PHACTR1: variants seen among roughly 807,000 people sequenced by gnomAD.
PHACTR1 encodes phosphatase and actin regulator 1, also known as RPEL repeat containing 1.
A neutral mutation model predicts 69.2 loss-of-function variants in PHACTR1; 16 were observed. That is an observed-to-expected ratio of 0.23 (90% CI 0.16 to 0.35). PHACTR1 has a LOEUF of 0.35. PHACTR1 is among the 10% of genes least tolerant of loss of function. The pLI, the probability that PHACTR1 is intolerant of heterozygous loss-of-function variation, is 1.00. For missense variants in PHACTR1, 510 were observed against 734.7 expected (o/e 0.69, Z 3.54); for synonymous variants, 312 against 284.5 (o/e 1.10, Z -0.97).
At chr6:12,885,651 C>G (rs1436911638) in intron 4 of PHACTR1, among the ~76,000 whole-genome samples, 1 of 152,254 alleles carries the variant, frequency 6.6e-6, no homozygotes, top group Non-Finnish European at 1.5e-5. Flanking sequence ...CACAATGACA[C>G]AGCCACTTGC....
At chr6:12,920,943 T>A (rs1053245949) in intron 4 of PHACTR1, among the ~76,000 whole-genome samples, 3 of 152,234 alleles carry the variant, frequency 2.0e-5, no homozygotes, top group Admixed American at 2.0e-4. Flanking sequence ...GTCAGCCTTT[T>A]GAGTTGGATA....
intron 4 of PHACTR1, among the ~76,000 whole-genome samples, chr6:12,793,325 A>G (rs936158342): frequency 3.9e-5 from 6 of 152,090 alleles, no homozygotes; most frequent in African/African-American, 1.2e-4. Context: ...CTTTATTCAG[A>G]TTTGTTATTT....
At chr6:12,910,927 G>A (rs1170479229) in intron 4 of PHACTR1, among the ~76,000 whole-genome samples, 1 of 152,178 alleles carries the variant, frequency 6.6e-6, no homozygotes, top group Non-Finnish European at 1.5e-5. Context: ...ATGGTGTCAT[G>A]TGGCAGGCAT....
chr6:12,988,032 C>T (rs558213598), intron 4 of PHACTR1, among the ~76,000 whole-genome samples: 20 of 152,308 alleles, frequency 1.3e-4, no homozygotes, highest in African/African-American at 4.6e-4. Context: ...GTTGGCTAGC[C>T]TGTGGCTGTG....
chr6:12,884,132 A>C (rs902884407), intron 4 of PHACTR1, among the ~76,000 whole-genome samples: 4 of 152,320 alleles, frequency 2.6e-5, no homozygotes, highest in South Asian at 4.1e-4. Context: ...ACACACATGC[A>C]TACATATACC....
At chr6:12,769,395 T>C (rs954472421) in intron 4 of PHACTR1, among the ~76,000 whole-genome samples, 2 of 152,228 alleles carry the variant, frequency 1.3e-5, no homozygotes, top group East Asian at 1.9e-4. Flanking sequence ...CTTTCTCTTT[T>C]TGAAAAAGGA....
At chr6:13,106,989 A>G (rs774581322) in intron 5 of PHACTR1, among the ~76,000 whole-genome samples, 3 of 152,200 alleles carry the variant, frequency 2.0e-5, no homozygotes, top group Non-Finnish European at 4.4e-5. Context: ...GTTTATGTTC[A>G]TGAGAGATAA....
intron 4 of PHACTR1, among the ~76,000 whole-genome samples, chr6:12,864,581 G>A (rs1486100755): frequency 1.3e-5 from 2 of 152,012 alleles, no homozygotes; most frequent in Non-Finnish European, 1.5e-5. Flanking sequence ...TCGGGAGGCT[G>A]AGGCAGGAGA....
At position 12,849,423 on chromosome 6, in the gene PHACTR1, C is replaced by G. The variant is rs914081108; in HGVS notation, c.250+99633C>G. 1.3e-5 allele frequency among the ~76,000 whole-genome samples: 2 copies of G among 152,122 alleles called. 1 individual carries two copies. Among genetic ancestry groups the G allele is most frequent in the African/African-American group, 4.8e-5 (2 of 41,422 alleles). ...GAGGATGCTGAGTTGTCTGCAACCC[C>G]CTGTGGAAAGCAGCTTCAGGCCGAA... On this transcript the variant is annotated intron_variant, in intron 4 of 14. Coordinates refer to ENST00000332995, the MANE Select transcript of PHACTR1 (RefSeq NM_030948.6).
chr6:13,027,714 C>A (rs1801900473), intron 4 of PHACTR1, among the ~76,000 whole-genome samples: 1 of 152,036 alleles, frequency 6.6e-6, no homozygotes. Flanking sequence ...CTCACTCTGC[C>A]ACCCAGGCTG....
intron 4 of PHACTR1, among the ~76,000 whole-genome samples, chr6:12,969,511 G>T (rs1793913761): frequency 6.6e-6 from 1 of 152,150 alleles, no homozygotes; most frequent in Non-Finnish European, 1.5e-5. Flanking sequence ...GGAGGCCAAG[G>T]TAGGAGGATC....
At chr6:12,964,550 G>A (rs1033170065) in intron 4 of PHACTR1, among the ~76,000 whole-genome samples, 3 of 152,266 alleles carry the variant, frequency 2.0e-5, no homozygotes, top group African/African-American at 7.2e-5. Context: ...AGGCATGGTG[G>A]CCAGGCCAGT....
At chr6:13,022,890 G>A (rs1801176565) in intron 4 of PHACTR1, among the ~76,000 whole-genome samples, 1 of 151,980 alleles carries the variant, frequency 6.6e-6, no homozygotes, top group Non-Finnish European at 1.5e-5. Context: ...GGTGGTGCAT[G>A]CCTGGAATCC....
chr6:13,087,581 C>T (rs1289839597), intron 5 of PHACTR1, among the ~76,000 whole-genome samples: 1 of 151,550 alleles, frequency 6.6e-6, no homozygotes, highest in Non-Finnish European at 1.5e-5. Flanking sequence ...AGAAAAAGCA[C>T]TGAGGATATC....
chr6:13,059,100 G>A (rs1807265814), intron 5 of PHACTR1, among the ~76,000 whole-genome samples: 1 of 152,130 alleles, frequency 6.6e-6, no homozygotes, highest in Non-Finnish European at 1.5e-5. Flanking sequence ...CCTTTGGCAT[G>A]GAATGTTCCA....
At chr6:12,779,557 C>T (rs142020801) in intron 4 of PHACTR1, among the ~76,000 whole-genome samples, 14 of 150,278 alleles carry the variant, frequency 9.3e-5, no homozygotes, top group Admixed American at 9.3e-4. Flanking sequence ...ATAAATAACA[C>T]CTTCTAACCC....
At chr6:13,101,136 T>C (rs1293834544) in intron 5 of PHACTR1, among the ~76,000 whole-genome samples, 1 of 152,220 alleles carries the variant, frequency 6.6e-6, no homozygotes, top group Non-Finnish European at 1.5e-5. Context: ...TGTATTTGGC[T>C]TATGGTTCTG....
Position 12,739,470 on chromosome 6 carries a change from T to C in PHACTR1, c.104-10174T>C, listed in dbSNP as rs1045289015. The stretch of plus-strand genomic sequence containing the variant: ...GTGGTTTTCTAAGTATTAGTACTTA[T>C]CTTAAATGCGGTAATTCTCAAACTG... On this transcript the variant is annotated intron_variant, in intron 3 of 14. Coordinates refer to ENST00000332995, the MANE Select transcript of PHACTR1 (RefSeq NM_030948.6). 5.3e-5 allele frequency among the ~76,000 whole-genome samples: 8 copies of C among 152,296 alleles called. No homozygotes were observed. The East Asian group carries it at 5.8e-4, about 11-fold the overall frequency.
chr6:13,115,707 GTA>G (rs1372312102), intron 5 of PHACTR1, among the ~76,000 whole-genome samples: 1 of 152,188 alleles, frequency 6.6e-6, no homozygotes, highest in African/African-American at 2.4e-5. Flanking sequence ...CACGTAGGCT[GTA>G]TAAAGGGCTT....
Sources: gnomAD v4.1 joint callset for allele counts (sites outside exome capture counted in the v4.1 genomes callset) on GRCh38, gnomAD v4.1.1 for gene constraint, MANE v1.5 for transcripts, NCBI Gene and HGNC (gene_info 2026-07-23, HGNC 2026-07-21) for gene names.